Variants in ARHGAP15 observed in about 807,000 individuals in gnomAD.
ARHGAP15 encodes rho GTPase-activating protein 15.
A neutral mutation model predicts 63.7 loss-of-function variants in ARHGAP15; 51 were observed. The ratio of observed to expected loss-of-function variants is 0.80; its 90% CI spans 0.64 to 1.01. ARHGAP15 has a LOEUF of 1.01. ARHGAP15 is among the 50% of genes least tolerant of loss of function. The pLI is 0.00. For synonymous variants in ARHGAP15, 191 were observed against 193.8 expected (o/e 0.99, Z 0.12); for missense variants, 560 against 564.6 (o/e 0.99, Z 0.08).
chr2:143,711,540 T>C (rs1684580840), intron 13 of ARHGAP15, among the ~76,000 whole-genome samples: 1 of 152,144 alleles, frequency 6.6e-6, no homozygotes, highest in Non-Finnish European at 1.5e-5. Flanking sequence ...AATTAGGAAT[T>C]ATAAAGAGAA....
At chr2:143,600,745 C>T (rs138107064) in intron 11 of ARHGAP15, among the ~76,000 whole-genome samples, 4 of 152,220 alleles carry the variant, frequency 2.6e-5, no homozygotes, top group South Asian at 2.1e-4. Flanking sequence ...AACTTGTCTA[C>T]GATGGTACCG....
At chr2:143,469,965 T>TTCTC (rs111883290) in intron 8 of ARHGAP15, among the ~76,000 whole-genome samples, 1 of 151,134 alleles carries the variant, frequency 6.6e-6, no homozygotes, top group Non-Finnish European at 1.5e-5. Context: ...CTCTTTTTTT[T>TTCTC]TCTCTCTCTC....
chr2:143,744,382 A>C (rs1165269296), intron 13 of ARHGAP15, among the ~76,000 whole-genome samples: 1 of 152,238 alleles, frequency 6.6e-6, no homozygotes, highest in Non-Finnish European at 1.5e-5. Context: ...CTTGGCTGAG[A>C]AGCACTTCAT....
At chr2:143,366,840 T>C (rs1282696321) in intron 6 of ARHGAP15, among the ~76,000 whole-genome samples, 2 of 152,086 alleles carry the variant, frequency 1.3e-5, no homozygotes, top group Non-Finnish European at 2.9e-5. Flanking sequence ...TATTCATTCC[T>C]CCTGAAATTT....
chr2:143,536,938 G>A (rs1260015052), intron 10 of ARHGAP15, among the ~76,000 whole-genome samples: 2 of 152,134 alleles, frequency 1.3e-5, no homozygotes, highest in African/African-American at 4.8e-5. Flanking sequence ...AGATCCCTGA[G>A]GAATCACCAC....
intron 6 of ARHGAP15, among the ~76,000 whole-genome samples, chr2:143,301,347 A>G (rs895636269): frequency 3.9e-5 from 6 of 151,944 alleles, no homozygotes; most frequent in African/African-American, 1.4e-4. Flanking sequence ...GCCTCTTGTC[A>G]TATTCACCCA....
intron 9 of ARHGAP15, among the ~76,000 whole-genome samples, chr2:143,503,109 G>A (rs1011790832): frequency 2.0e-5 from 3 of 152,304 alleles, no homozygotes; most frequent in South Asian, 2.1e-4. Context: ...TTTTGCCCCC[G>A]TTATGACCAG....
intron 6 of ARHGAP15, among the ~76,000 whole-genome samples, chr2:143,335,081 T>A (rs72617089): frequency 0.095 from 14,516 of 152,208 alleles, 1,070 homozygotes; most frequent in East Asian, 0.41. Flanking sequence ...ATGTCTTGAC[T>A]GGAGAATTTC....
chr2:143,351,144 T>A (rs1685552293), intron 6 of ARHGAP15: 1 of 152,188 alleles, frequency 6.6e-6, no homozygotes, highest in Admixed American at 6.5e-5. Flanking sequence ...CTTCTGACAA[T>A]AACTGCAAAA....
chr2:143,262,535 A>ATTTT lies in ARHGAP15; in HGVS notation c.474+11956_474+11959dup, dbSNP rs67267617. ...TGTATATGCGGGGTCTGAACCTTTG[A>ATTTT]TTTTTTTTTTTTTTTTTTTTTTTTA... On this transcript the variant is annotated intron_variant, in intron 6 of 13. Transcript: ENST00000295095. 4.8e-4 allele frequency among the ~76,000 whole-genome samples: 44 copies of ATTTT among 90,920 alleles called. 1 individual carries two copies. Among genetic ancestry groups the ATTTT allele is most frequent in the African/African-American group, 1.7e-3 (37 of 21,336 alleles). 59.6% of individuals were successfully genotyped at this position (90,920 alleles called of 152,430 possible).
chr2:143,407,985 GTGTA>G (rs1398385928), intron 6 of ARHGAP15, among the ~76,000 whole-genome samples: 2 of 82,378 alleles, frequency 2.4e-5, no homozygotes, highest in African/African-American at 8.2e-5. Flanking sequence ...ACTTCTGTGT[GTGTA>G]TATATATATA....
chr2:143,205,433 G>A (rs538784659), intron 3 of ARHGAP15, among the ~76,000 whole-genome samples: 2 of 152,052 alleles, frequency 1.3e-5, no homozygotes, highest in Non-Finnish European at 2.9e-5. Context: ...AGTTCTATGA[G>A]GGCAAGGACA....
At chr2:143,298,817 T>A (rs889432640) in intron 6 of ARHGAP15, among the ~76,000 whole-genome samples, 1 of 151,146 alleles carries the variant, frequency 6.6e-6, no homozygotes, top group African/African-American at 2.5e-5. Flanking sequence ...TCAAAGTAAT[T>A]CAAATAATAA....
At chr2:143,734,708 G>A (rs2105492938) in intron 13 of ARHGAP15, among the ~76,000 whole-genome samples, 1 of 152,268 alleles carries the variant, frequency 6.6e-6, no homozygotes. Context: ...AGACATTTTG[G>A]GATGTGCTGC....
chr2:143,326,035 A>C (rs1684235942), intron 6 of ARHGAP15, among the ~76,000 whole-genome samples: 1 of 152,092 alleles, frequency 6.6e-6, no homozygotes, highest in Non-Finnish European at 1.5e-5. Flanking sequence ...TAATTTTATT[A>C]TTTGCTGTAT....
chr2:143,228,522 C>A, intron 4 of ARHGAP15, 59 bp from the exon 5 acceptor site: 2 of 1,188,872 alleles, frequency 1.7e-6, no homozygotes, highest in Non-Finnish European at 2.5e-6. Context: ...CATACTGTAT[C>A]TATAAATGAT....
chr2:143,315,887 T>A (rs1380590150), intron 6 of ARHGAP15, among the ~76,000 whole-genome samples: 1 of 141,524 alleles, frequency 7.1e-6, no homozygotes, highest in African/African-American at 3.1e-5. Flanking sequence ...GAGTTCAAGA[T>A]CAGCCTGGCC....
chr2:143,753,089 G>C (rs1243534355), intron 13 of ARHGAP15, among the ~76,000 whole-genome samples: 1 of 152,214 alleles, frequency 6.6e-6, no homozygotes, highest in Non-Finnish European at 1.5e-5. Context: ...AGGTTACAAT[G>C]AGCTATGATT....
chr2:143,641,975 A>C (rs539491445), intron 12 of ARHGAP15, among the ~76,000 whole-genome samples: 40 of 152,222 alleles, frequency 2.6e-4, no homozygotes, highest in African/African-American at 9.6e-4. Context: ...GGAAGGTTAG[A>C]TAATGGCCCA....
Sources: allele counts gnomAD v4.1 joint callset (sites outside exome capture counted in the v4.1 genomes callset), GRCh38; gene constraint gnomAD v4.1.1; transcripts MANE v1.5; gene names NCBI Gene and HGNC (gene_info 2026-07-23, HGNC 2026-07-21).